Variants in TLE1 observed in about 807,000 individuals in gnomAD.
TLE1 encodes TLE family member 1, transcriptional corepressor, also known as transducin-like enhancer protein 1.
TLE1 carries 21 observed loss-of-function variants against 89.8 expected under a neutral mutation model. That is an observed-to-expected ratio of 0.23 (90% confidence interval 0.17 to 0.34). The LOEUF is 0.34. Among genes scored for constraint, TLE1 ranks in the 10% least tolerant of loss-of-function variants. TLE1 has a pLI of 1.00. For synonymous variants in TLE1, 447 were observed against 407.6 expected (o/e 1.10, Z -1.16); for missense variants, 795 against 1,031.2 (o/e 0.77, Z 3.14).
chr9:81,687,083 A>G (rs1318196916), intron 2 of TLE1, among the ~76,000 whole-genome samples: 2 of 152,242 alleles, frequency 1.3e-5, no homozygotes, highest in Admixed American at 6.5e-5. Flanking sequence ...CAACTCCTAA[A>G]GACATGAAAA....
chr9:81,655,860 A>G (rs1040734379), intron 4 of TLE1, among the ~76,000 whole-genome samples: 14 of 151,748 alleles, frequency 9.2e-5, no homozygotes, highest in East Asian at 3.9e-4. Flanking sequence ...CTCAAAAAAA[A>G]AAAAAAAAAG....
chr9:81,602,415 T>C (rs1277781477), intron 14 of TLE1, among the ~76,000 whole-genome samples: 2 of 152,172 alleles, frequency 1.3e-5, no homozygotes, highest in Non-Finnish European at 1.5e-5. Flanking sequence ...AAATGAGTCA[T>C]CTTGGGGATG....
intron 8 of TLE1, among the ~76,000 whole-genome samples, chr9:81,629,060 C>T (rs1457374286): frequency 1.3e-5 from 2 of 152,102 alleles, no homozygotes; most frequent in Non-Finnish European, 2.9e-5. Flanking sequence ...TTACATTCAA[C>T]AAATGTTTAA....
At chr9:81,628,503 C>T (rs1336482574) in intron 8 of TLE1, among the ~76,000 whole-genome samples, 1 of 152,134 alleles carries the variant, frequency 6.6e-6, no homozygotes, top group Non-Finnish European at 1.5e-5. Flanking sequence ...CTCCTCCTTG[C>T]CTTCTATAAT....
rs752839694 is a variant in TLE1 at position 81,584,272 on chromosome 9, T to C, written c.2239A>G (p.Ile747Val). The change falls in exon 20 of 20, where the codon ATC becomes GTC. Residue 747 changes from isoleucine (I) to valine (V), a missense_variant. Transcript: ENST00000376499. Reference protein sequence around the residue: ...KESSSVLSCDISVDDKYIVTG... With the variant: ...KESSSVLSCDVSVDDKYIVTG... ...ACTATGTACTTATCATCCACAGAGA[T>C]GTCACAGCTAAGCACTGACGAGGAC... 3.7e-6 allele frequency: 6 copies of C among 1,614,176 alleles called. No individual in the cohort carries two copies. The highest frequency in any genetic ancestry group is 2.2e-5 in the South Asian group (2 of 91,084).
intron 4 of TLE1, among the ~76,000 whole-genome samples, chr9:81,677,731 G>C (rs1259164584): frequency 6.6e-6 from 1 of 152,070 alleles, no homozygotes; most frequent in Non-Finnish European, 1.5e-5. Flanking sequence ...TCAGTAGTTT[G>C]ACAAACTGCA....
intron 4 of TLE1, among the ~76,000 whole-genome samples, chr9:81,658,746 A>T (rs1261779792): frequency 3.3e-5 from 5 of 152,144 alleles, no homozygotes; most frequent in South Asian, 2.1e-4. Flanking sequence ...GACTTCATGA[A>T]CATCTTCCCT....
intron 14 of TLE1, among the ~76,000 whole-genome samples, chr9:81,606,804 G>T (rs1254462093): frequency 6.6e-6 from 1 of 151,460 alleles, no homozygotes; most frequent in South Asian, 2.1e-4. Context: ...TATATATATA[G>T]AGAGAGAGGC....
At chr9:81,612,419 G>C (rs1292487265) in intron 12 of TLE1, 2 of 947,540 alleles carry the variant, frequency 2.1e-6, no homozygotes, top group Non-Finnish European at 2.5e-6. Flanking sequence ...CCAAAGCACG[G>C]GTTTAGGAGG....
chr9:81,629,463 C>T (rs1048940565), intron 8 of TLE1, among the ~76,000 whole-genome samples: 2 of 152,034 alleles, frequency 1.3e-5, no homozygotes, highest in Non-Finnish European at 2.9e-5. Context: ...TTTTTTAAAC[C>T]AAAGCCAAAC....
rs114721524 is a variant in TLE1 at position 81,602,784 on chromosome 9, G to C, written c.1331+7436C>G. Among the ~76,000 whole-genome samples, 703 of 152,152 alleles carry C rather than the reference G, an allele frequency of 4.6e-3. 5 individuals are homozygous for C. The highest frequency in any genetic ancestry group is 0.016 in the African/African-American group (680 of 41,526). ...GACAACACTCAGCTAGGACCTTACTGACAAAACTGGGCATGAGAAAGGTGA... is the reference window on the plus strand; with the variant it reads ...GACAACACTCAGCTAGGACCTTACTCACAAAACTGGGCATGAGAAAGGTGA... On this transcript the variant is annotated intron_variant, in intron 14 of 19. Transcript: ENST00000376499.
chr9:81,589,571 T>G (rs1847945190), intron 16 of TLE1, among the ~76,000 whole-genome samples: 1 of 152,122 alleles, frequency 6.6e-6, no homozygotes, highest in African/African-American at 2.4e-5. Context: ...GCAGAATGCC[T>G]GGGCCTCAAC....
At position 81,685,896 on chromosome 9, in the gene TLE1, G is replaced by A; in HGVS notation, c.126C>T (p.Ser42=). The A allele has an allele frequency of 6.2e-7, 1 of 1,612,904 alleles. No individual in the cohort carries two copies. The highest frequency in any genetic ancestry group is 1.1e-5 in the South Asian group (1 of 90,996). Residue 42 remains serine, a splice_region_variant and synonymous_variant, in exon 3 of 20, where the codon AGC becomes AGT. Transcript: ENST00000376499. ...CCAGTTTCTCACATTCCAATTTAAG[G>A]CTAGGAAAACAAAACAGGCAACTTA... is the stretch of plus-strand genomic sequence containing the variant. ...EFQFLQAQYH[S]LKLECEKLAS...
chr9:81,666,076 T>C (rs760297246), intron 4 of TLE1, among the ~76,000 whole-genome samples: 6 of 152,186 alleles, frequency 3.9e-5, no homozygotes, highest in Non-Finnish European at 8.8e-5. Context: ...AGTTCCTAAA[T>C]AGCACATTTC....
chr9:81,660,959 ACACACACACACACACACAC>A (rs1830699385), intron 4 of TLE1, among the ~76,000 whole-genome samples: 3 of 108,200 alleles, frequency 2.8e-5, no homozygotes, highest in African/African-American at 9.7e-5. Context: ...ACACACACAC[ACACACACACACACACACAC>A]ATTTAGCCTG....
chr9:81,634,845 C>G (rs1028326711), intron 6 of TLE1, among the ~76,000 whole-genome samples: 1 of 152,162 alleles, frequency 6.6e-6, no homozygotes, highest in Non-Finnish European at 1.5e-5. Context: ...CTTGCATTGA[C>G]TTACCACAGT....
At chr9:81,588,777 C>T (rs1829011380) in intron 16 of TLE1, among the ~76,000 whole-genome samples, 3 of 152,028 alleles carry the variant, frequency 2.0e-5, no homozygotes, top group Non-Finnish European at 4.4e-5. Flanking sequence ...TCTAGACCCA[C>T]CCTCAGAAGC....
chr9:81,641,454 A>G (rs1265706714), intron 6 of TLE1, among the ~76,000 whole-genome samples: 1 of 152,200 alleles, frequency 6.6e-6, no homozygotes, highest in African/African-American at 2.4e-5. Context: ...ACAATCCACT[A>G]AAGGCCCCAT....
chr9:81,633,442 G>A (rs1826964066), intron 7 of TLE1, 78 bp from the exon 8 acceptor site: 1 of 1,607,360 alleles, frequency 6.2e-7, no homozygotes, highest in Admixed American at 1.7e-5. Context: ...AAAAAAAGGG[G>A]GGAATAATTA....
Sources: gnomAD v4.1 joint callset for allele counts (sites outside exome capture counted in the v4.1 genomes callset) on GRCh38, gnomAD v4.1.1 for gene constraint, MANE v1.5 for transcripts, NCBI Gene and HGNC (gene_info 2026-07-23, HGNC 2026-07-21) for gene names.